The following LMX1B variants were observed in gnomAD, a reference collection of about 807,000 sequenced individuals.
LMX1B encodes LIM homeobox transcription factor 1-beta.
In LMX1B, 12 loss-of-function variants were observed where a neutral mutation model predicts 51.4. The observed-to-expected ratio is 0.23, with a 90% CI of 0.15 to 0.38. The LOEUF is 0.38. LMX1B is among the 10% of genes least tolerant of loss of function. The probability of loss-of-function intolerance (pLI) is 1.00; values close to 1 mark genes in which losing one functional copy is unlikely to be tolerated. For synonymous variants in LMX1B, 237 were observed against 235.4 expected (o/e 1.01, Z -0.06); for missense variants, 445 against 571.1 (o/e 0.78, Z 2.25).
Position 126,695,681 on chromosome 9 carries a change from T to C in LMX1B, c.887-158T>C, listed in dbSNP as rs1484301261. 2.0e-5 allele frequency among the ~76,000 whole-genome samples: 3 copies of C among 151,650 alleles called. No individual in the cohort carries two copies. ...GCTGAGCCTGGAGGAGGAGCTGGAG[T>C]GTGCACCTGGGGAAGGGGCTGGGGA... On this transcript the variant is annotated intron_variant, in intron 6 of 7. Transcript: ENST00000373474. This position sits in a 1 kb window ranked among gnomAD's most constrained non-coding sequence, Gnocchi z 5.2.
chr9:126,663,531 C>T (rs1047128403), intron 2 of LMX1B, among the ~76,000 whole-genome samples: 3 of 152,240 alleles, frequency 2.0e-5, no homozygotes, highest in Admixed American at 1.3e-4. Flanking sequence ...AGGAATTTGA[C>T]CTCTTTGAGC....
At chr9:126,622,691 G>A (rs1437944787) in intron 2 of LMX1B, among the ~76,000 whole-genome samples, 2 of 152,240 alleles carry the variant, frequency 1.3e-5, no homozygotes, top group Non-Finnish European at 2.9e-5. Context: ...GGGTGTGGGC[G>A]CCAGACCAGG....
At position 126,658,565 on chromosome 9, in the gene LMX1B, C is replaced by T. The variant is rs1455779919; in HGVS notation, c.327-32271C>T. Among the ~76,000 whole-genome samples, 4 of 152,208 alleles carry T rather than the reference C, an allele frequency of 2.6e-5. No homozygotes were observed. The highest frequency in any genetic ancestry group is 4.8e-5 in the African/African-American group (2 of 41,456). The stretch of plus-strand genomic sequence containing the variant: ...AGCTCTCCTCAGAAGAAGGTGGCCT[C>T]GCCCCTCATCCATCATGCCTCTAAG... On this transcript the variant is annotated intron_variant, in intron 2 of 7. Transcript: ENST00000373474. The surrounding 1 kb of genome is among the most constrained non-coding windows in gnomAD (Gnocchi z 4.0).
intron 2 of LMX1B, among the ~76,000 whole-genome samples, chr9:126,636,290 C>T (rs1835711891): frequency 6.6e-6 from 1 of 152,108 alleles, no homozygotes. Flanking sequence ...TAGGGCTCCT[C>T]ACCCAGACTT....
chr9:126,632,193 A>C (rs1483166868), intron 2 of LMX1B, among the ~76,000 whole-genome samples: 2 of 152,162 alleles, frequency 1.3e-5, no homozygotes, highest in Non-Finnish European at 2.9e-5. Flanking sequence ...AAAGAGCCAT[A>C]CCAGTCCATG....
intron 2 of LMX1B, among the ~76,000 whole-genome samples, chr9:126,678,504 C>A (rs1282377442): frequency 6.6e-6 from 1 of 152,154 alleles, no homozygotes; most frequent in Non-Finnish European, 1.5e-5. Flanking sequence ...TCTGTCTCAA[C>A]CCCATGCTTT....
intron 2 of LMX1B, among the ~76,000 whole-genome samples, chr9:126,683,899 T>C (rs1399186301): frequency 6.6e-6 from 1 of 152,206 alleles, no homozygotes; most frequent in Non-Finnish European, 1.5e-5. Flanking sequence ...GTATGTGTTA[T>C]GTCACCTTTT....
intron 2 of LMX1B, among the ~76,000 whole-genome samples, chr9:126,637,565 G>A (rs1835735373): frequency 6.6e-6 from 1 of 152,106 alleles, no homozygotes; most frequent in South Asian, 2.1e-4. Context: ...TGTGGTGTTG[G>A]CCATTGTGGG....
intron 2 of LMX1B, among the ~76,000 whole-genome samples, chr9:126,686,174 G>A (rs916770180): frequency 2.0e-5 from 3 of 151,634 alleles, no homozygotes; most frequent in Non-Finnish European, 4.4e-5. Flanking sequence ...CAGCTACTCG[G>A]GAGGCTGAGG....
chr9:126,693,861 G>C (rs1422544199), intron 6 of LMX1B, 49 bp downstream of exon 6: 1 of 898,688 alleles, frequency 1.1e-6, no homozygotes, highest in Non-Finnish European at 1.8e-6. Flanking sequence ...CTGGGGCCGG[G>C]GCCAGGGGTG....
chr9:126,662,909 C>T (rs905545090), intron 2 of LMX1B, among the ~76,000 whole-genome samples: 5 of 152,198 alleles, frequency 3.3e-5, no homozygotes, highest in African/African-American at 9.6e-5. Flanking sequence ...GAGACTGGGG[C>T]AGAGGCAGGA....
At chr9:126,622,540 G>A (rs956529709) in intron 2 of LMX1B, among the ~76,000 whole-genome samples, 9 of 152,228 alleles carry the variant, frequency 5.9e-5, no homozygotes, top group African/African-American at 1.4e-4. Context: ...CAGCGGTGAC[G>A]GGAGGGGAGG....
rs563788215 is a variant in LMX1B, at chr9:126,630,264, G to C, written c.326+14695G>C. On this transcript the variant is annotated intron_variant, in intron 2 of 7. Transcript: ENST00000373474. ...ACACACCTAGGGCCACACAGCCAGT[G>C]GGGGGCTATGCAGCACAGAGTCAGC... is the stretch of plus-strand genomic sequence containing the variant. Among the ~76,000 whole-genome samples, 213 of 152,172 alleles carry C rather than the reference G, an allele frequency of 1.4e-3. 2 individuals are homozygous for C. The highest frequency in any genetic ancestry group is 4.9e-3 in the African/African-American group (205 of 41,502).
intron 2 of LMX1B, among the ~76,000 whole-genome samples, chr9:126,634,959 C>T (rs1398619272): frequency 6.6e-6 from 1 of 152,182 alleles, no homozygotes; most frequent in Non-Finnish European, 1.5e-5. Context: ...TCCTCTCTGC[C>T]CCTGGCTGTC....
chr9:126,630,284 G>A (rs1301982824), intron 2 of LMX1B, among the ~76,000 whole-genome samples: 9 of 152,070 alleles, frequency 5.9e-5, no homozygotes, highest in Non-Finnish European at 1.3e-4. Context: ...GCAGCACAGA[G>A]TCAGCATCTG....
In LMX1B at chr9:126,615,352, G is replaced by C. The variant is rs182013644; in HGVS notation, c.140-31G>C. The C allele has an allele frequency of 6.6e-6, 10 of 1,508,518 alleles. No individual in the cohort carries two copies. The highest frequency in any genetic ancestry group is 2.0e-5 in the Admixed American group (1 of 49,318). 93.4% of individuals were successfully genotyped at this position (1,508,518 alleles called of 1,614,324 possible). On this transcript the variant is annotated intron_variant, in intron 1 of 7. Transcript: ENST00000373474. This position sits in a 1 kb window ranked among gnomAD's most constrained non-coding sequence, Gnocchi z 6.0. ...CGCCGGGGCTGGGCCGGGCGGCGCT[G>C]ACGGCCGGGCTTTCGCCCTGTGCGC...
intron 2 of LMX1B, among the ~76,000 whole-genome samples, chr9:126,656,981 C>T (rs1836129807): frequency 6.6e-6 from 1 of 152,040 alleles, no homozygotes; most frequent in African/African-American, 2.4e-5. Flanking sequence ...CCTCAAAACT[C>T]CCTCTATCCC....
At chr9:126,619,155 T>TGGGGTGAGTTTTTAAAA (rs1835361420) in intron 2 of LMX1B, among the ~76,000 whole-genome samples, 1 of 152,228 alleles carries the variant, frequency 6.6e-6, no homozygotes, top group African/African-American at 2.4e-5. Flanking sequence ...TCTTGAGTCC[T>TGGGGTGAGTTTTTAAAA]GGGGTGAGTT....
intron 2 of LMX1B, among the ~76,000 whole-genome samples, chr9:126,623,261 G>A (rs1189535401): frequency 6.6e-6 from 1 of 152,228 alleles, no homozygotes; most frequent in Non-Finnish European, 1.5e-5. Context: ...TCGGAGCCAA[G>A]GCCAGCCTGT....
Sources: gnomAD v4.1 joint callset for allele counts (sites outside exome capture counted in the v4.1 genomes callset) on GRCh38, gnomAD v4.1.1 for gene constraint, Gnocchi (gnomAD v3.1) non-coding constraint, MANE v1.5 for transcripts, NCBI Gene and HGNC (gene_info 2026-07-23, HGNC 2026-07-21) for gene names.